Variants in TUBB8B observed in about 807,000 individuals in gnomAD.
The protein encoded by TUBB8B is tubulin beta 8B, also known as HSA18p11 beta-tubulin 4Q pseudogene.
In TUBB8B, 26 loss-of-function variants were observed where a neutral mutation model predicts 31.9. The ratio of observed to expected loss-of-function variants is 0.81; its 90% CI spans 0.60 to 1.13. The LOEUF (loss-of-function observed/expected upper bound fraction) is 1.13. Among genes scored for constraint, TUBB8B ranks in the 50% most tolerant of loss-of-function variants. The pLI, the probability that TUBB8B is intolerant of heterozygous loss-of-function variation, is 0.00. For missense variants in TUBB8B, 467 were observed against 586.7 expected (o/e 0.80, Z 2.11); for synonymous variants, 173 against 231.0 (o/e 0.75, Z 2.28).
the TUBB8B span, among the ~76,000 whole-genome samples, chr18:72,760 G>C: frequency 6.6e-6 from 1 of 152,014 alleles, no homozygotes; most frequent in Non-Finnish European, 1.5e-5. Flanking sequence ...ATGAGGTTGG[G>C]AGTTCGAGAC....
At chr18:49,332 C>T in intron 1 of TUBB8B, 95 bp from the exon 2 acceptor site, 5 of 1,101,982 alleles carry the variant, frequency 4.5e-6, no homozygotes, top group Non-Finnish European at 5.2e-6. Flanking sequence ...ATCCCTAGGC[C>T]GCCCTGTCCC....
At chr18:70,559 C>T in the TUBB8B span, among the ~76,000 whole-genome samples, 1 of 152,164 alleles carries the variant, frequency 6.6e-6, no homozygotes, top group Non-Finnish European at 1.5e-5. Flanking sequence ...CGCTTGAGTC[C>T]AGGAAGGGGA....
In TUBB8B at chr18:47,261, T is replaced by TA; in HGVS notation, c.*128dup. Reference sequence around the variant, plus strand: ...TACTTTATTAGTCAAAACCGCATACTATAAAAATGCTTTAAAACGCAGCAG... The same window carrying TA: ...TACTTTATTAGTCAAAACCGCATACTAATAAAAATGCTTTAAAACGCAGCAG... On this transcript the variant is annotated 3_prime_UTR_variant, in exon 4 of 4. Coordinates refer to ENST00000308911, the MANE Select transcript of TUBB8B (RefSeq NM_001358689.2). The TA allele has an allele frequency of 3.5e-6, 2 of 568,794 alleles. No individual in the cohort carries two copies. Among genetic ancestry groups the TA allele is most frequent in the Non-Finnish European group, 6.1e-6 (2 of 326,910 alleles). The allele number at this position is 568,794 out of a possible 1,614,324, so 35.2% of individuals were successfully genotyped here.
chr18:51,692 G>A (rs1906113708), upstream of TUBB8B, among the ~76,000 whole-genome samples: 1 of 151,478 alleles, frequency 6.6e-6, no homozygotes, highest in South Asian at 2.1e-4. Flanking sequence ...CACTGCCTTG[G>A]ACTCCCAAAG....
Position 49,469 on chromosome 18 carries a change from C to T in TUBB8B, c.57+32G>A, listed in dbSNP as rs1004108908. Reference sequence around the variant, plus strand: ...ATCTTCCCCAGCCACCCGGCAGGCCCGGGCTGGGCCCTCAGAGCCCTGGCT... The same window carrying T: ...ATCTTCCCCAGCCACCCGGCAGGCCTGGGCTGGGCCCTCAGAGCCCTGGCT... On this transcript the variant is annotated intron_variant, in intron 1 of 3. Transcript: ENST00000308911. 37 of 970,438 alleles carry T rather than the reference C, an allele frequency of 3.8e-5. 1 individual carries two copies. The highest frequency in any genetic ancestry group is 5.4e-5 in the East Asian group (2 of 37,250). The allele number at this position is 970,438 out of a possible 1,614,324, so 60.1% of individuals were successfully genotyped here.
At chr18:58,656 T>G in the TUBB8B span, among the ~76,000 whole-genome samples, 1 of 151,814 alleles carries the variant, frequency 6.6e-6, no homozygotes, top group African/African-American at 2.4e-5. Flanking sequence ...TGTCTTCTTC[T>G]GAATCCTACA....
At chr18:50,824 GC>G (rs949575313), upstream of TUBB8B, among the ~76,000 whole-genome samples, 2 of 131,260 alleles carry the variant, frequency 1.5e-5, no homozygotes, top group African/African-American at 5.7e-5. Context: ...ATCTACAAGG[GC>G]ATTTCCTTTT....
chr18:62,422 A>T, the TUBB8B span, among the ~76,000 whole-genome samples: 23 of 139,194 alleles, frequency 1.7e-4, no homozygotes, highest in Middle Eastern at 3.6e-3. Flanking sequence ...TAAATGTTTA[A>T]TTTTTTTTTT....
chr18:48,950 G>C lies in TUBB8B; in HGVS notation c.267C>G (p.Asn89Lys). Reference sequence around the variant, plus strand: ...TCGCCCGCAGCTCACCGGAAATGAAGTTGTCTGGCCTGAAGACCTGCCCGA... The same window carrying C: ...TCGCCCGCAGCTCACCGGAAATGAACTTGTCTGGCCTGAAGACCTGCCCGA... ...GPFGQVFRPD[N>K]FISGQCGAGN... The change falls in exon 3 of 4, where the codon AAC (asparagine) becomes AAG (lysine). Residue 89 changes from asparagine (N) to lysine (K), a missense_variant. This residue lies in a region of TUBB8B where 259 missense variants were observed against 380.1 expected (regional missense o/e 0.68). Coordinates refer to ENST00000308911, the MANE Select transcript of TUBB8B (RefSeq NM_001358689.2). 6.3e-7 allele frequency: 1 copy of C among 1,596,926 alleles called. No homozygotes were observed. Among genetic ancestry groups the C allele is most frequent in the Non-Finnish European group, 8.6e-7 (1 of 1,165,762 alleles).
At chr18:60,226 T>C in the TUBB8B span, among the ~76,000 whole-genome samples, 1 of 151,808 alleles carries the variant, frequency 6.6e-6, no homozygotes, top group Non-Finnish European at 1.5e-5. Context: ...GTTGAGTGTG[T>C]CTAAGAATTA....
chr18:51,103 G>A (rs1287466963), upstream of TUBB8B, among the ~76,000 whole-genome samples: 1 of 151,860 alleles, frequency 6.6e-6, no homozygotes, highest in African/African-American at 2.4e-5. Flanking sequence ...TGAGGTCGAG[G>A]CCAGCAAGGC....
the TUBB8B span, among the ~76,000 whole-genome samples, chr18:69,253 G>C: frequency 0.026 from 3,894 of 151,788 alleles, 73 homozygotes; most frequent in African/African-American, 0.089. Context: ...AGCACTTTGC[G>C]GGGGTCTGAG....
At chr18:72,922 G>A in the TUBB8B span, among the ~76,000 whole-genome samples, 5 of 152,076 alleles carry the variant, frequency 3.3e-5, no homozygotes, top group African/African-American at 9.7e-5. Flanking sequence ...AGCCGAGATC[G>A]CGCCATTGCA....
chr18:62,154 G>A, the TUBB8B span, among the ~76,000 whole-genome samples: 2 of 151,020 alleles, frequency 1.3e-5, no homozygotes, highest in Admixed American at 1.3e-4. Flanking sequence ...TTTTTAATAT[G>A]TCATGCCACT....
chr18:69,805 C>A, the TUBB8B span, among the ~76,000 whole-genome samples: 1 of 151,910 alleles, frequency 6.6e-6, no homozygotes, highest in African/African-American at 2.4e-5. Context: ...ATAGCAGAAA[C>A]ACATAGGATT....
the TUBB8B span, among the ~76,000 whole-genome samples, chr18:54,753 A>G: frequency 6.6e-6 from 1 of 151,964 alleles, no homozygotes; most frequent in Non-Finnish European, 1.5e-5. Flanking sequence ...GTGTATATGT[A>G]CCACATTTTC....
chr18:66,419 G>A, the TUBB8B span, among the ~76,000 whole-genome samples: 1 of 152,072 alleles, frequency 6.6e-6, no homozygotes, highest in Non-Finnish European at 1.5e-5. Context: ...AGATGTGGTG[G>A]TGCACACCTG....
At chr18:61,266 A>G in the TUBB8B span, among the ~76,000 whole-genome samples, 2 of 151,324 alleles carry the variant, frequency 1.3e-5, no homozygotes, top group Non-Finnish European at 3.0e-5. Flanking sequence ...AAGTAAAGCT[A>G]TTTCTGCTCT....
chr18:61,914 C>A, the TUBB8B span, among the ~76,000 whole-genome samples: 1 of 151,542 alleles, frequency 6.6e-6, no homozygotes, highest in Non-Finnish European at 1.5e-5. Context: ...TGTGTTTTTC[C>A]ATGTGCTATT....
Sources: allele counts gnomAD v4.1 joint callset (sites outside exome capture counted in the v4.1 genomes callset), GRCh38; gene constraint gnomAD v4.1.1; regional missense constraint gnomAD v4.1.1; transcripts MANE v1.5; gene names NCBI Gene and HGNC (gene_info 2026-07-23, HGNC 2026-07-21).